Variants in HRH1 observed in about 807,000 individuals in gnomAD.
The protein encoded by HRH1 is histamine receptor H1.
In HRH1, 6 loss-of-function variants were observed where a neutral mutation model predicts 10.3. The ratio of observed to expected loss-of-function variants is 0.58; its 90% CI spans 0.32 to 1.15. HRH1 has a LOEUF of 1.15. Ranked by LOEUF, HRH1 falls within the 50% of genes most tolerant of loss-of-function variation. The pLI is 0.05. For synonymous variants in HRH1, 242 were observed against 236.7 expected (o/e 1.02, Z -0.21); for missense variants, 514 against 615.3 (o/e 0.84, Z 1.74).
At chr3:11,190,931 A>C (rs1033280417) in intron 1 of HRH1, among the ~76,000 whole-genome samples, 17 of 152,234 alleles carry the variant, frequency 1.1e-4, no homozygotes, top group South Asian at 2.1e-4. Flanking sequence ...GCTGCCTCCG[A>C]GGCCACACTG....
At chr3:11,144,994 C>T (rs962110187) in intron 1 of HRH1, among the ~76,000 whole-genome samples, 5 of 152,174 alleles carry the variant, frequency 3.3e-5, no homozygotes, top group African/African-American at 9.7e-5. Flanking sequence ...TCTCCTGTCC[C>T]GCTATACTGC....
chr3:11,250,034 C>CTTTTTTTTTTT (rs71055856), intron 1 of HRH1, among the ~76,000 whole-genome samples: 1 of 60,764 alleles, frequency 1.6e-5, no homozygotes, highest in Non-Finnish European at 3.0e-5. Flanking sequence ...AAGCTTTTCT[C>CTTTTTTTTTTT]TTTTTTTTTT....
chr3:11,179,088 G>A (rs973475563), intron 1 of HRH1, among the ~76,000 whole-genome samples: 2 of 152,186 alleles, frequency 1.3e-5, no homozygotes, highest in Non-Finnish European at 1.5e-5. Context: ...AGAAGTTCAA[G>A]ACCAGCCTGG....
chr3:11,139,053 T>A (rs1394363770), intron 1 of HRH1, among the ~76,000 whole-genome samples: 1 of 151,320 alleles, frequency 6.6e-6, no homozygotes, highest in Non-Finnish European at 1.5e-5. Flanking sequence ...AATGGTGCGA[T>A]CTCGGCTCAC....
chr3:11,138,180 ATTTTT>A (rs746775307), intron 1 of HRH1, among the ~76,000 whole-genome samples: 3 of 135,580 alleles, frequency 2.2e-5, no homozygotes, highest in African/African-American at 5.5e-5. Flanking sequence ...ACGTTTGGCT[ATTTTT>A]TTTTTTTTTT....
rs185712118 is a variant in HRH1 at position 11,246,534 on chromosome 3, C to T, written c.-35-12469C>T. On this transcript the variant is annotated intron_variant, in intron 1 of 1. Transcript: ENST00000431010. ...ACCAGATTTTTCAAAATACAGGTCC[C>T]GAAGGGAGGGAAAAGCACCTTACAT... Among the ~76,000 whole-genome samples, 12 of 152,258 alleles carry T rather than the reference C, an allele frequency of 7.9e-5. No homozygotes were observed. In the East Asian group the frequency reaches 1.4e-3, roughly 17 times the overall value.
chr3:11,162,986 T>C (rs571278493), intron 1 of HRH1, among the ~76,000 whole-genome samples: 1 of 152,278 alleles, frequency 6.6e-6, no homozygotes, highest in East Asian at 1.9e-4. Context: ...GCTCACTTGC[T>C]CTGAATTGGA....
intron 1 of HRH1, among the ~76,000 whole-genome samples, chr3:11,162,731 G>A (rs1936950643): frequency 6.6e-6 from 1 of 152,158 alleles, no homozygotes; most frequent in Non-Finnish European, 1.5e-5. Context: ...GACAGATTGA[G>A]ACTGGTGTGG....
At chr3:11,152,970 G>A (rs1559253510), upstream of HRH1, among the ~76,000 whole-genome samples, 1 of 151,998 alleles carries the variant, frequency 6.6e-6, no homozygotes, top group African/African-American at 2.4e-5. Flanking sequence ...CATATCACTG[G>A]GCATCACAAA....
rs1936526942 is a variant in HRH1 at position 11,148,822 on chromosome 3, T to C, written c.-36+11423T>C. ...GACAAACCACAGTCTTTTTTTTTTTTTTTTTTTTTTTTTGCTACACCAGCT... is the reference window on the plus strand; with the variant it reads ...GACAAACCACAGTCTTTTTTTTTTTCTTTTTTTTTTTTTGCTACACCAGCT... On this transcript the variant is annotated intron_variant, in intron 1 of 1. Transcript: ENST00000438284. Among the ~76,000 whole-genome samples the C allele has an allele frequency of 1.2e-4, 18 of 149,918 alleles. No homozygotes were observed. The South Asian group carries it at 3.9e-3, about 32-fold the overall frequency.
At chr3:11,210,040 T>C (rs1377248550) in intron 1 of HRH1, among the ~76,000 whole-genome samples, 2 of 152,218 alleles carry the variant, frequency 1.3e-5, no homozygotes, top group African/African-American at 4.8e-5. Flanking sequence ...TAAGTTTGAA[T>C]TCCGCCTCTT....
chr3:11,255,474 T>G (rs988483227), intron 1 of HRH1, among the ~76,000 whole-genome samples: 1 of 152,194 alleles, frequency 6.6e-6, no homozygotes, highest in African/African-American at 2.4e-5. Flanking sequence ...CAATACTTCC[T>G]TAGCCTTATG....
intron 1 of HRH1, among the ~76,000 whole-genome samples, chr3:11,231,751 A>G (rs939623859): frequency 1.3e-5 from 2 of 152,202 alleles, no homozygotes; most frequent in Non-Finnish European, 2.9e-5. Context: ...TTTCTTAGAT[A>G]TGTGGCTGGC....
In HRH1 at chr3:11,259,235, C is replaced by T. The variant is rs755459830; in HGVS notation, c.198C>T (p.Ile66=). ...RKLHTVGNLY[I]VSLSVADLIV... The stretch of plus-strand genomic sequence containing the variant: ...TCCACACTGTGGGGAACCTGTACAT[C>T]GTCAGCCTCTCGGTGGCGGACTTGA... The change falls in exon 2 of 2, where the codon ATC becomes ATT. Residue 66 remains isoleucine, a synonymous_variant. Coordinates refer to ENST00000431010, the MANE Select transcript of HRH1 (RefSeq NM_001098212.2). This position sits in a 1 kb window ranked among gnomAD's most constrained non-coding sequence, Gnocchi z 4.6. 6.8e-6 allele frequency: 11 copies of T among 1,613,530 alleles called. No individual in the cohort carries two copies. The highest frequency in any genetic ancestry group is 3.3e-5 in the Admixed American group (2 of 59,936).
At chr3:11,168,100 CAA>C (rs891725842) in intron 1 of HRH1, among the ~76,000 whole-genome samples, 45 of 152,006 alleles carry the variant, frequency 3.0e-4, no homozygotes, top group African/African-American at 1.0e-3. Context: ...ATGTTCGAGT[CAA>C]GAGAGGATTG....
intron 1 of HRH1, among the ~76,000 whole-genome samples, chr3:11,219,879 CT>C (rs1457829064): frequency 2.0e-5 from 3 of 150,976 alleles, no homozygotes; most frequent in African/African-American, 4.9e-5. Flanking sequence ...AATGTTAGAC[CT>C]TGTCAAAATG....
intron 1 of HRH1, among the ~76,000 whole-genome samples, chr3:11,245,968 C>T (rs1191990242): frequency 6.6e-6 from 1 of 151,638 alleles, no homozygotes. Flanking sequence ...CTCATACACA[C>T]ACACTCATGT....
chr3:11,237,630 C>G (rs1218705930), intron 1 of HRH1, among the ~76,000 whole-genome samples: 1 of 149,898 alleles, frequency 6.7e-6, no homozygotes, highest in East Asian at 2.0e-4. Flanking sequence ...CAGCCTGATG[C>G]AATCCTGAAA....
chr3:11,143,013 A>G (rs1043005752), intron 1 of HRH1, among the ~76,000 whole-genome samples: 1 of 152,076 alleles, frequency 6.6e-6, no homozygotes, highest in South Asian at 2.1e-4. Context: ...AGGCCCCAAG[A>G]CAGGACAAAA....
Sources: gnomAD v4.1 joint callset for allele counts (sites outside exome capture counted in the v4.1 genomes callset) on GRCh38, gnomAD v4.1.1 for gene constraint, Gnocchi (gnomAD v3.1) non-coding constraint, MANE v1.5 for transcripts, NCBI Gene and HGNC (gene_info 2026-07-23, HGNC 2026-07-21) for gene names.